The following POP1 variants were observed in gnomAD, a reference collection of about 807,000 sequenced individuals.
POP1 encodes ribonucleases P/MRP protein subunit POP1.
POP1 carries 75 observed loss-of-function variants against 102.2 expected under a neutral mutation model. The observed-to-expected ratio is 0.73, with a 90% CI of 0.61 to 0.89. The LOEUF is 0.89. POP1 is among the 40% of genes least tolerant of loss of function. POP1 has a pLI of 0.00. For synonymous variants in POP1, 436 were observed against 464.1 expected, an observed-to-expected ratio of 0.94 and a Z score of 0.78; for missense variants, 1,116 against 1,267.4, an observed-to-expected ratio of 0.88 and a Z score of 1.81.
chr8:98,158,605 G>T lies in POP1; in HGVS notation c.*334G>T. 7.4e-6 allele frequency: 2 copies of T among 271,390 alleles called. No individual in the cohort carries two copies. The highest frequency in any genetic ancestry group is 4.2e-5 in the South Asian group (1 of 23,622). 16.8% of individuals were successfully genotyped at this position (271,390 alleles called of 1,614,324 possible). On this transcript the variant is annotated 3_prime_UTR_variant, in exon 16 of 16. Coordinates refer to ENST00000401707, the MANE Select transcript of POP1 (RefSeq NM_001145860.2). Reference sequence around the variant, plus strand: ...TTTGTTAGAAACAAAGGGCTTGTCAGGTCTATTTGAAAAACCTCATAGTCA... The same window carrying T: ...TTTGTTAGAAACAAAGGGCTTGTCATGTCTATTTGAAAAACCTCATAGTCA...
chr8:98,141,831 G>A (rs1816713140), intron 11 of POP1, among the ~76,000 whole-genome samples: 1 of 150,782 alleles, frequency 6.6e-6, no homozygotes, highest in East Asian at 1.9e-4. Flanking sequence ...GCCTCCCAAA[G>A]TGCTGGGATT....
At chr8:98,143,285 G>A (rs1448979822) in intron 11 of POP1, among the ~76,000 whole-genome samples, 1 of 152,222 alleles carries the variant, frequency 6.6e-6, no homozygotes, top group East Asian at 1.9e-4. Flanking sequence ...TCTCTTCCCA[G>A]TAAAGACTAT....
intron 5 of POP1, among the ~76,000 whole-genome samples, chr8:98,133,418 G>C (rs573233933): frequency 6.6e-6 from 1 of 152,148 alleles, no homozygotes; most frequent in Admixed American, 6.5e-5. Context: ...AGAAATATGG[G>C]ATGGATTAAT....
chr8:98,148,325 T>C (rs773757774), intron 12 of POP1, among the ~76,000 whole-genome samples: 1 of 152,202 alleles, frequency 6.6e-6, no homozygotes, highest in Non-Finnish European at 1.5e-5. Flanking sequence ...AAGAAAAGTC[T>C]GAAAGGATGT....
At chr8:98,132,374 C>G (rs1816404566) in intron 5 of POP1, among the ~76,000 whole-genome samples, 1 of 152,198 alleles carries the variant, frequency 6.6e-6, no homozygotes, top group African/African-American at 2.4e-5. Context: ...AACCATTATT[C>G]TCTGCTGTCA....
chr8:98,131,082 G>A (rs1347034484), intron 5 of POP1, among the ~76,000 whole-genome samples: 1 of 152,210 alleles, frequency 6.6e-6, no homozygotes, highest in East Asian at 1.9e-4. Context: ...GGTAGAATAA[G>A]CAATACAAGA....
chr8:98,137,169 T>C (rs1816571076), intron 9 of POP1, among the ~76,000 whole-genome samples: 1 of 152,220 alleles, frequency 6.6e-6, no homozygotes, highest in Non-Finnish European at 1.5e-5. Context: ...CTGTTCTTAC[T>C]TAAATACAGA....
chr8:98,120,708 G>A (rs1447989226), intron 1 of POP1, among the ~76,000 whole-genome samples: 1 of 151,092 alleles, frequency 6.6e-6, no homozygotes, highest in African/African-American at 2.4e-5. Flanking sequence ...GTGCAGTGGC[G>A]CGATCTCGGC....
rs149420534 is a variant in POP1 at position 98,150,323 on chromosome 8, G to A, written c.1903-162G>A. Among the ~76,000 whole-genome samples the A allele has an allele frequency of 6.9e-3, 1,047 of 152,266 alleles. 14 individuals carry two copies. The highest frequency in any genetic ancestry group is 0.024 in the African/African-American group (986 of 41,538). ...TGGTTAATGAAGCATGACGAAGCTC[G>A]ATTTTATTCATTTTTACTATTGCAT... On this transcript the variant is annotated intron_variant, in intron 13 of 15. Transcript: ENST00000401707.
rs758820378 is a variant in POP1 at position 98,136,852 on chromosome 8, C to A, written c.1269-9C>A. 8.7e-6 allele frequency: 14 copies of A among 1,613,022 alleles called. No homozygotes were observed. Among genetic ancestry groups the A allele is most frequent in the Non-Finnish European group, 1.2e-5 (14 of 1,179,102 alleles). ...AAGTTTCCATTTTAAGATGTTCTTT[C>A]TTTTTCAGCGATTTGACGATGGAGA... On this transcript the variant is annotated splice_polypyrimidine_tract_variant and intron_variant, in intron 8 of 15. Transcript: ENST00000401707.
intron 10 of POP1, 102 bp from the exon 11 acceptor site, chr8:98,140,667 A>T: frequency 1.6e-6 from 2 of 1,265,220 alleles, no homozygotes; most frequent in Non-Finnish European, 2.3e-6. Context: ...AATTAGTCCA[A>T]GAAAAACGTT....
intron 1 of POP1, among the ~76,000 whole-genome samples, chr8:98,121,116 A>T (rs541920697): frequency 6.6e-6 from 1 of 152,338 alleles, no homozygotes; most frequent in Non-Finnish European, 1.5e-5. Flanking sequence ...AGCAACTTGT[A>T]GAGGAAGAGG....
In POP1 at chr8:98,118,165, A is replaced by G. The variant is rs150466709; in HGVS notation, c.-3+775A>G. Among the ~76,000 whole-genome samples, 12 of 152,256 alleles carry G rather than the reference A, an allele frequency of 7.9e-5. No homozygotes were observed. The East Asian group carries it at 1.4e-3, about 17-fold the overall frequency. On this transcript the variant is annotated intron_variant, in intron 1 of 15. Transcript: ENST00000401707. The stretch of plus-strand genomic sequence containing the variant: ...TTGGCCTTCCTACTTCCGGCTCAGG[A>G]ACCTTCTGATCTTTTTCATTGGTTT...
At chr8:98,123,300 C>T in intron 1 of POP1, 36 bp from the exon 2 acceptor site, 1 of 1,605,292 alleles carries the variant, frequency 6.2e-7, no homozygotes, top group Non-Finnish European at 8.5e-7. Flanking sequence ...GTGGAAGTTT[C>T]CTTTCCCTGT....
In POP1 at chr8:98,158,412, A is replaced by G. The variant is rs1211515310; in HGVS notation, c.*141A>G. ...GAATAAAAAATTATGTATTATGCAG[A>G]TGATGAAATGTTTACATCATTCCAG... On this transcript the variant is annotated 3_prime_UTR_variant, in exon 16 of 16. Transcript: ENST00000401707. 5.7e-6 allele frequency: 5 copies of G among 873,832 alleles called. No individual in the cohort carries two copies. The highest frequency in any genetic ancestry group is 2.1e-5 in the Admixed American group (1 of 48,448). 54.1% of individuals were successfully genotyped at this position (873,832 alleles called of 1,614,324 possible).
intron 14 of POP1, among the ~76,000 whole-genome samples, chr8:98,153,220 C>T (rs1252895144): frequency 6.6e-6 from 1 of 152,136 alleles, no homozygotes; most frequent in Non-Finnish European, 1.5e-5. Context: ...TCCTCCCATC[C>T]CAGCCTCCCA....
rs914055377 is a variant in POP1, at chr8:98,128,631, A to T, written c.486+91A>T. The T allele has an allele frequency of 9.6e-6, 14 of 1,453,076 alleles. No homozygotes were observed. The African/African-American group carries it at 1.7e-4, about 17-fold the overall frequency. 90.0% of individuals were successfully genotyped at this position (1,453,076 alleles called of 1,614,324 possible). A position where few individuals can be genotyped will look rare whatever the true frequency, so the allele number is the denominator to read the frequency against. On this transcript the variant is annotated intron_variant, in intron 4 of 15. Coordinates refer to ENST00000401707, the MANE Select transcript of POP1 (RefSeq NM_001145860.2). ...CCTAATAGAATTTATTAAAAATGAA[A>T]ACCAAGGCTGGGCATGGTGGCTCAC...
chr8:98,124,176 C>T (rs1001700125), intron 2 of POP1, among the ~76,000 whole-genome samples: 2 of 152,184 alleles, frequency 1.3e-5, no homozygotes, highest in African/African-American at 4.8e-5. Flanking sequence ...GGGGCAGCCT[C>T]ATGCAGGTCA....
At chr8:98,143,001 G>A (rs1041422824) in intron 11 of POP1, among the ~76,000 whole-genome samples, 1 of 152,126 alleles carries the variant, frequency 6.6e-6, no homozygotes, top group Admixed American at 6.5e-5. Flanking sequence ...GCCTTTTACT[G>A]GTTACCTTTG....
Sources: gnomAD v4.1 joint callset for allele counts (sites outside exome capture counted in the v4.1 genomes callset) on GRCh38, gnomAD v4.1.1 for gene constraint, MANE v1.5 for transcripts, NCBI Gene and HGNC (gene_info 2026-07-23, HGNC 2026-07-21) for gene names.